ICA1: variants seen among roughly 807,000 people sequenced by gnomAD.
ICA1 encodes the protein 69 kDa islet cell autoantigen.
ICA1 carries 40 observed loss-of-function variants against 71.0 expected under a neutral mutation model. The observed-to-expected ratio is 0.56, with a 90% CI of 0.44 to 0.73. ICA1 has a LOEUF of 0.73. ICA1 is among the 30% of genes least tolerant of loss of function. The pLI, the probability that ICA1 is intolerant of heterozygous loss-of-function variation, is 0.00. For missense variants in ICA1, 578 were observed against 576.5 expected (o/e 1.00, Z -0.03); for synonymous variants, 207 against 209.5 (o/e 0.99, Z 0.10).
intron 6 of ICA1, among the ~76,000 whole-genome samples, chr7:8,208,065 T>C (rs544255503): frequency 6.6e-6 from 1 of 152,334 alleles, no homozygotes; most frequent in Admixed American, 6.5e-5. Flanking sequence ...TATTCAAAAT[T>C]CTTTAATATT....
chr7:8,221,687 A>G (rs548197812), intron 4 of ICA1, among the ~76,000 whole-genome samples: 1 of 152,254 alleles, frequency 6.6e-6, no homozygotes, highest in East Asian at 1.9e-4. Flanking sequence ...GTAAGCCCAT[A>G]GTGTGCGGCT....
intron 1 of ICA1, among the ~76,000 whole-genome samples, chr7:8,255,806 G>A (rs1225752379): frequency 8.8e-6 from 1 of 114,000 alleles, no homozygotes; most frequent in Non-Finnish European, 1.7e-5. Context: ...GCAGGGTCTT[G>A]CTCTGTTGCC....
chr7:8,203,938 A>G (rs1316578753), intron 6 of ICA1, among the ~76,000 whole-genome samples: 2 of 151,670 alleles, frequency 1.3e-5, no homozygotes, highest in African/African-American at 4.8e-5. Flanking sequence ...ACAGACCCCA[A>G]GGAATTCAGG....
intron 6 of ICA1, among the ~76,000 whole-genome samples, chr7:8,213,773 C>A (rs1794571874): frequency 6.6e-6 from 1 of 152,212 alleles, no homozygotes; most frequent in Non-Finnish European, 1.5e-5. Flanking sequence ...GACACCGGAG[C>A]ACCACTGACT....
intron 7 of ICA1, chr7:8,157,508 T>C (rs1009334914): frequency 4.3e-5 from 16 of 372,194 alleles, no homozygotes; most frequent in Non-Finnish European, 3.4e-5. Context: ...GGGTAAATAA[T>C]TAACGCTCTA....
intron 1 of ICA1, among the ~76,000 whole-genome samples, chr7:8,249,394 A>C (rs1021250549): frequency 1.3e-5 from 2 of 152,024 alleles, no homozygotes; most frequent in Non-Finnish European, 2.9e-5. Context: ...TGTGCATTAT[A>C]ATTTAAAGAC....
At chr7:8,184,330 G>T (rs770977131) in intron 6 of ICA1, among the ~76,000 whole-genome samples, 8 of 152,146 alleles carry the variant, frequency 5.3e-5, no homozygotes, top group Non-Finnish European at 1.0e-4. Flanking sequence ...GCTCCAAGAG[G>T]ATTACAGGAA....
chr7:8,137,370 T>C (rs1490573039), intron 12 of ICA1, among the ~76,000 whole-genome samples: 1 of 152,208 alleles, frequency 6.6e-6, no homozygotes, highest in South Asian at 2.1e-4. Flanking sequence ...TCAAAGTAAG[T>C]TAAAGCACGT....
intron 6 of ICA1, among the ~76,000 whole-genome samples, chr7:8,183,209 C>A (rs1782766123): frequency 6.6e-6 from 1 of 152,212 alleles, no homozygotes; most frequent in Admixed American, 6.5e-5. Flanking sequence ...CCTAAACCTA[C>A]CTGACACTGA....
chr7:8,120,455 T>C (rs773037308), intron 13 of ICA1, among the ~76,000 whole-genome samples: 20 of 152,200 alleles, frequency 1.3e-4, no homozygotes, highest in Non-Finnish European at 1.0e-4. Flanking sequence ...TTGGCTTCTG[T>C]CAGGAAAAAA....
At chr7:8,197,952 T>C (rs893915421) in intron 6 of ICA1, among the ~76,000 whole-genome samples, 3 of 152,222 alleles carry the variant, frequency 2.0e-5, no homozygotes, top group Admixed American at 1.3e-4. Flanking sequence ...CGAAAATATA[T>C]GTTATACATA....
intron 5 of ICA1, among the ~76,000 whole-genome samples, chr7:8,219,930 A>G (rs374452293): frequency 2.6e-5 from 4 of 152,344 alleles, no homozygotes; most frequent in African/African-American, 9.6e-5. Flanking sequence ...AACTTACTCT[A>G]TGAAATATTT....
At chr7:8,216,113 C>T (rs1441874744) in intron 6 of ICA1, among the ~76,000 whole-genome samples, 1 of 152,208 alleles carries the variant, frequency 6.6e-6, no homozygotes, top group Non-Finnish European at 1.5e-5. Context: ...TCCAAAACAT[C>T]ATGAGGTCAG....
intron 8 of ICA1, among the ~76,000 whole-genome samples, chr7:8,147,687 AACACACACACACACAC>A (rs71014764): frequency 5.5e-5 from 8 of 145,410 alleles, no homozygotes; most frequent in South Asian, 2.2e-4. Flanking sequence ...AGCCAAGGGG[AACACACACACACACAC>A]ACACACACAC....
intron 1 of ICA1, among the ~76,000 whole-genome samples, chr7:8,237,603 C>T (rs1802258920): frequency 6.6e-6 from 1 of 152,068 alleles, no homozygotes; most frequent in Non-Finnish European, 1.5e-5. Flanking sequence ...TTTTCCCCTC[C>T]CACAGCCCCC....
At chr7:8,250,090 C>A (rs1164286068) in intron 1 of ICA1, among the ~76,000 whole-genome samples, 1 of 152,158 alleles carries the variant, frequency 6.6e-6, no homozygotes, top group South Asian at 2.1e-4. Context: ...AGGGGAAATA[C>A]TGATTTGTCA....
chr7:8,232,621 GCAA>G lies in ICA1; in HGVS notation c.149_151del (p.Val50del). On this transcript the variant is annotated inframe_deletion, in exon 3 of 14. Transcript: ENST00000402384. Reference sequence around the variant, plus strand: ...CTTGGCATCCAGGTCCGCGTCAGAGGCAACAACATGTTCATCTTCCTTCTTCCC... The same window carrying G: ...CTTGGCATCCAGGTCCGCGTCAGAGGCAACATGTTCATCTTCCTTCTTCCC... 2 of 1,612,790 alleles carry G rather than the reference GCAA, an allele frequency of 1.2e-6. No individual in the cohort carries two copies. The highest frequency in any genetic ancestry group is 1.7e-6 in the Non-Finnish European group (2 of 1,179,402).
At chr7:8,240,157 T>A (rs1176024697) in intron 1 of ICA1, among the ~76,000 whole-genome samples, 1 of 152,152 alleles carries the variant, frequency 6.6e-6, no homozygotes, top group Non-Finnish European at 1.5e-5. Flanking sequence ...GACAGACACC[T>A]TATACAGGTG....
At chr7:8,197,141 C>G (rs938490667) in intron 6 of ICA1, among the ~76,000 whole-genome samples, 2 of 149,984 alleles carry the variant, frequency 1.3e-5, no homozygotes, top group Non-Finnish European at 3.0e-5. Context: ...GTAAAAAAGA[C>G]AGATGTATAT....
Sources: gnomAD v4.1 joint callset for allele counts (sites outside exome capture counted in the v4.1 genomes callset) on GRCh38, gnomAD v4.1.1 for gene constraint, MANE v1.5 for transcripts, NCBI Gene and HGNC (gene_info 2026-07-23, HGNC 2026-07-21) for gene names.